Variants in DYM observed in about 807,000 individuals in gnomAD.
The protein encoded by DYM is dymeclin, also known as dyggve-Melchior-Clausen syndrome protein.
A neutral mutation model predicts 93.1 loss-of-function variants in DYM; 78 were observed. The observed-to-expected ratio is 0.84, with a 90% confidence interval of 0.70 to 1.01. The LOEUF (loss-of-function observed/expected upper bound fraction) is 1.01, where lower values mean the gene tolerates loss of function less well. DYM is among the 50% of genes least tolerant of loss of function. The pLI is 0.00. For synonymous variants in DYM, 321 were observed against 319.7 expected (o/e 1.00, Z -0.04); for missense variants, 789 against 845.0 (o/e 0.93, Z 0.82).
At chr18:49,382,595 A>G (rs773073892) in intron 3 of DYM, among the ~76,000 whole-genome samples, 1 of 152,236 alleles carries the variant, frequency 6.6e-6, no homozygotes. Flanking sequence ...GGAAAGCAGA[A>G]AAGTGTAATG....
At chr18:49,086,817 AT>A (rs928673816) in intron 17 of DYM, among the ~76,000 whole-genome samples, 35 of 151,868 alleles carry the variant, frequency 2.3e-4, no homozygotes, top group Admixed American at 2.3e-3. Context: ...GGAAAACCCC[AT>A]CACTACTAAA....
At chr18:49,219,328 C>T (rs1477836644) in intron 13 of DYM, among the ~76,000 whole-genome samples, 11 of 152,194 alleles carry the variant, frequency 7.2e-5, no homozygotes, top group Admixed American at 2.6e-4. Flanking sequence ...ACCAGAGGTA[C>T]AAGGAGGAAC....
chr18:49,458,115 G>A (rs2083159578), intron 1 of DYM, among the ~76,000 whole-genome samples: 1 of 152,136 alleles, frequency 6.6e-6, no homozygotes, highest in Non-Finnish European at 1.5e-5. Flanking sequence ...AGCAATCATA[G>A]AAAACTGATA....
intron 2 of DYM, among the ~76,000 whole-genome samples, chr18:49,396,631 T>C (rs1477142158): frequency 6.6e-6 from 1 of 152,202 alleles, no homozygotes; most frequent in East Asian, 1.9e-4. Flanking sequence ...CACTCTCATG[T>C]TTACTGCAGC....
chr18:49,124,747 C>T (rs2082663950), intron 15 of DYM, among the ~76,000 whole-genome samples: 1 of 152,126 alleles, frequency 6.6e-6, no homozygotes, highest in African/African-American at 2.4e-5. Flanking sequence ...TCATTTCTAG[C>T]ATTACTCAAA....
intron 6 of DYM, among the ~76,000 whole-genome samples, chr18:49,342,133 G>A (rs979603756): frequency 5.3e-5 from 8 of 152,092 alleles, no homozygotes; most frequent in Admixed American, 2.0e-4. Flanking sequence ...TCATTTCCTC[G>A]TGGTTGTAGG....
rs192409681 is a variant in DYM, at chr18:49,260,099, G to A, written c.1252-1606C>T. Reference sequence around the variant, plus strand: ...AAAATCACAGAACAAAAGCAAAGTCGCTTAAGATTATAAAAGTATCATGGC... The same window carrying A: ...AAAATCACAGAACAAAAGCAAAGTCACTTAAGATTATAAAAGTATCATGGC... On this transcript the variant is annotated intron_variant, in intron 11 of 17. Transcript: ENST00000675505. Among the ~76,000 whole-genome samples the A allele has an allele frequency of 3.4e-4, 52 of 152,264 alleles. 1 individual carries two copies. The South Asian group carries it at 7.9e-3, about 23-fold the overall frequency.
At chr18:49,142,319 G>C (rs1730479038) in intron 15 of DYM, among the ~76,000 whole-genome samples, 1 of 152,068 alleles carries the variant, frequency 6.6e-6, no homozygotes, top group African/African-American at 2.4e-5. Context: ...AAACTCAAAA[G>C]GATTAAGTAA....
chr18:49,317,683 T>TCCTTCCTTCCTTCCTTC (rs1555690598), intron 8 of DYM, among the ~76,000 whole-genome samples: 1 of 130,068 alleles, frequency 7.7e-6, no homozygotes, highest in African/African-American at 2.9e-5. Context: ...CTTCCTTCCT[T>TCCTTCCTTCCTTCCTTC]CCTTCCTTTC....
At chr18:49,410,965 T>C (rs1225519222) in intron 2 of DYM, among the ~76,000 whole-genome samples, 1 of 152,198 alleles carries the variant, frequency 6.6e-6, no homozygotes, top group African/African-American at 2.4e-5. Flanking sequence ...CTGAAATAAC[T>C]TGCATTTTGT....
chr18:49,445,160 A>AT (rs2081991894), intron 1 of DYM, among the ~76,000 whole-genome samples: 1 of 152,228 alleles, frequency 6.6e-6, no homozygotes, highest in Non-Finnish European at 1.5e-5. Context: ...TACATAATGA[A>AT]ATAATTAAAT....
At chr18:49,232,797 C>G (rs148127593) in intron 13 of DYM, among the ~76,000 whole-genome samples, 1,550 of 151,454 alleles carry the variant, frequency 0.01, 25 homozygotes, top group African/African-American at 0.036. Flanking sequence ...TTAGTAGAGA[C>G]CGGGTTTCAC....
chr18:49,431,114 T>C (rs1221050315), intron 1 of DYM, among the ~76,000 whole-genome samples: 1 of 152,196 alleles, frequency 6.6e-6, no homozygotes, highest in Non-Finnish European at 1.5e-5. Context: ...CTGGATGGCT[T>C]GAATGTACAA....
At chr18:49,386,255 A>G (rs1452900023) in intron 3 of DYM, among the ~76,000 whole-genome samples, 4 of 152,232 alleles carry the variant, frequency 2.6e-5, no homozygotes, top group African/African-American at 9.6e-5. Flanking sequence ...TAATATGTTC[A>G]AAGTGCTGAA....
intron 17 of DYM, among the ~76,000 whole-genome samples, chr18:49,090,734 G>T (rs1156445803): frequency 3.9e-5 from 6 of 152,172 alleles, no homozygotes. Flanking sequence ...AGGAAAAAAT[G>T]AGATCACTGG....
chr18:49,453,367 G>A (rs2082696820), intron 1 of DYM, among the ~76,000 whole-genome samples: 1 of 152,142 alleles, frequency 6.6e-6, no homozygotes, highest in African/African-American at 2.4e-5. Flanking sequence ...CGGGAGCTTT[G>A]TTCTTTCGCT....
chr18:49,361,783 T>C (rs113496432), intron 6 of DYM, among the ~76,000 whole-genome samples: 13,860 of 152,092 alleles, frequency 0.091, 841 homozygotes, highest in East Asian at 0.31. Flanking sequence ...TGCAGTGGCG[T>C]GATCTCGGCT....
At chr18:49,249,375 T>C (rs2094238276) in intron 13 of DYM, among the ~76,000 whole-genome samples, 1 of 152,164 alleles carries the variant, frequency 6.6e-6, no homozygotes, top group Non-Finnish European at 1.5e-5. Flanking sequence ...CATATTTGAA[T>C]TGTGCATGTG....
intron 16 of DYM, among the ~76,000 whole-genome samples, chr18:49,102,538 G>A (rs998104369): frequency 6.6e-6 from 1 of 151,976 alleles, no homozygotes; most frequent in African/African-American, 2.4e-5. Flanking sequence ...TTAACATTAG[G>A]TATATCTCCA....
Sources: allele counts gnomAD v4.1 joint callset (sites outside exome capture counted in the v4.1 genomes callset), GRCh38; gene constraint gnomAD v4.1.1; transcripts MANE v1.5; gene names NCBI Gene and HGNC (gene_info 2026-07-23, HGNC 2026-07-21).